Variants in BLTP1 observed in about 807,000 individuals in gnomAD.
BLTP1 encodes bridge-like lipid transfer protein family member 1, also known as fragile site-associated protein.
At chr4:122,189,101 T>C in the BLTP1 span, 6 of 968,392 alleles carry the variant, frequency 6.2e-6, no homozygotes, top group East Asian at 1.1e-4. Context: ...TGAAAAATTA[T>C]AGAGAGTAAG....
At chr4:122,209,947 T>G in the BLTP1 span, 7 of 1,608,718 alleles carry the variant, frequency 4.4e-6, no homozygotes, top group South Asian at 1.1e-5. Flanking sequence ...ATATAATTTG[T>G]GCTTTTATAC....
the BLTP1 span, chr4:122,190,313 C>G: frequency 1.6e-6 from 1 of 637,060 alleles, no homozygotes; most frequent in Non-Finnish European, 2.0e-6. Context: ...CCAGGCTGAT[C>G]TCAAATTCCT....
chr4:122,175,777 C>A, the BLTP1 span: 1 of 1,045,564 alleles, frequency 9.6e-7, no homozygotes. Context: ...AATTGGCTTC[C>A]TTTTGGAATA....
chr4:122,209,269 T>C, the BLTP1 span: 1 of 1,612,980 alleles, frequency 6.2e-7, no homozygotes, highest in South Asian at 1.1e-5. Flanking sequence ...ATGATACTGG[T>C]ATTCCTGCTG....
the BLTP1 span, chr4:122,262,679 G>GC: frequency 1.4e-6 from 2 of 1,467,144 alleles, no homozygotes; most frequent in South Asian, 2.8e-5. Context: ...AGCAGTTATA[G>GC]CAACAGTAAT....
the BLTP1 span, among the ~76,000 whole-genome samples, chr4:122,338,453 C>A: frequency 6.6e-6 from 1 of 152,014 alleles, no homozygotes; most frequent in Non-Finnish European, 1.5e-5. Flanking sequence ...CCAGCCTGGA[C>A]AACAGAGTGG....
the BLTP1 span, among the ~76,000 whole-genome samples, chr4:122,233,736 T>G: frequency 6.6e-6 from 1 of 152,198 alleles, no homozygotes; most frequent in East Asian, 1.9e-4. Context: ...TGTTACTTTT[T>G]GAAAGATTCT....
At chr4:122,246,934 G>C in the BLTP1 span, 1 of 1,436,602 alleles carries the variant, frequency 7.0e-7, no homozygotes, top group East Asian at 2.4e-5. Context: ...AACTGGTTTT[G>C]GAATTTCAAA....
At chr4:122,360,118 A>C in the BLTP1 span, 2 of 886,568 alleles carry the variant, frequency 2.3e-6, no homozygotes, top group Non-Finnish European at 2.7e-6. Flanking sequence ...TTGTTAAGGA[A>C]CTATTTTAAT....
the BLTP1 span, chr4:122,226,861 A>G: frequency 5.9e-6 from 9 of 1,527,278 alleles, no homozygotes; most frequent in Non-Finnish European, 8.0e-6. Context: ...TGTTAGCAAT[A>G]TTATAAACAT....
At chr4:122,260,624 A>T in the BLTP1 span, among the ~76,000 whole-genome samples, 62 of 152,258 alleles carry the variant, frequency 4.1e-4, 1 homozygote, top group Admixed American at 7.9e-4. Flanking sequence ...GGCATTGATG[A>T]GAATCAAATT....
At chr4:122,309,128 A>G in the BLTP1 span, 15 of 1,216,402 alleles carry the variant, frequency 1.2e-5, no homozygotes, top group Non-Finnish European at 1.5e-5. Context: ...TTTAAAAGGC[A>G]TCTTTCTAAG....
the BLTP1 span, chr4:122,214,039 G>T: frequency 5.4e-6 from 1 of 185,764 alleles, no homozygotes; most frequent in African/African-American, 2.4e-5. Context: ...TAATAATCTT[G>T]AACAGAAACC....
chr4:122,159,594 TAATA>T, the BLTP1 span, among the ~76,000 whole-genome samples: 642 of 152,358 alleles, frequency 4.2e-3, 2 homozygotes, highest in African/African-American at 0.014. Flanking sequence ...TTAAGAATAT[TAATA>T]AAAGTAGCTT....
the BLTP1 span, chr4:122,306,122 T>G: frequency 1.4e-6 from 2 of 1,403,686 alleles, no homozygotes; most frequent in Non-Finnish European, 1.9e-6. Flanking sequence ...TCTTGTAGTT[T>G]ACTGGTGTAA....
chr4:122,183,637 G>A, the BLTP1 span: 8 of 407,070 alleles, frequency 2.0e-5, no homozygotes, highest in Non-Finnish European at 2.7e-5. Context: ...GACTCTACAA[G>A]TTACAATCAC....
the BLTP1 span, chr4:122,307,476 GT>G: frequency 1.0e-6 from 1 of 985,202 alleles, no homozygotes; most frequent in Non-Finnish European, 1.2e-6. Flanking sequence ...TGAAATGAAG[GT>G]TTTCCTTAAG....
the BLTP1 span, chr4:122,279,882 A>T: frequency 2.5e-6 from 4 of 1,614,132 alleles, no homozygotes; most frequent in Non-Finnish European, 3.4e-6. Flanking sequence ...ATCAGTATCA[A>T]CATTCCTCAG....
At chr4:122,315,282 A>G in the BLTP1 span, 2 of 357,034 alleles carry the variant, frequency 5.6e-6, no homozygotes, top group Non-Finnish European at 7.8e-6. Context: ...TAGGTGCTAT[A>G]CAGAGGAAAC....
Sources: allele counts gnomAD v4.1 joint callset (sites outside exome capture counted in the v4.1 genomes callset), GRCh38; gene constraint gnomAD v4.1.1; transcripts MANE v1.5; gene names NCBI Gene and HGNC (gene_info 2026-07-23, HGNC 2026-07-21).